DYRK1B: variants seen among roughly 807,000 people sequenced by gnomAD.
The protein encoded by DYRK1B is dual specificity tyrosine phosphorylation regulated kinase 1B, also known as dual specificity tyrosine-phosphorylation-regulated kinase 1B.
Under a neutral mutation model 57.1 loss-of-function variants are expected in DYRK1B, and 20 were observed. That is an observed-to-expected ratio of 0.35 (90% confidence interval 0.25 to 0.51). The LOEUF is 0.51. DYRK1B is among the 20% of genes least tolerant of loss of function. DYRK1B has a pLI of 0.96. For synonymous variants in DYRK1B, 409 were observed against 384.7 expected (o/e 1.06, Z -0.74); for missense variants, 732 against 886.3 (o/e 0.83, Z 2.21).
rs1599639748 is a variant in DYRK1B at position 39,827,509 on chromosome 19, C to T, written c.954+1G>A. 6.2e-7 allele frequency: 1 copy of T among 1,613,664 alleles called. No homozygotes were observed. The highest frequency in any genetic ancestry group is 1.3e-5 in the African/African-American group (1 of 74,922). ...CAGCACACCCCTTCCTGGGGGCACA[C>T]CTCATTGGAGCCACTGAAGAGGGGC... is the stretch of plus-strand genomic sequence containing the variant. On this transcript the variant is annotated splice_donor_variant, in intron 7 of 10. Coordinates refer to ENST00000323039, the MANE Select transcript of DYRK1B (RefSeq NM_004714.3). LOFTEE classifies it high-confidence loss of function.
chr19:39,827,191 G>GA, intron 8 of DYRK1B, 94 bp downstream of exon 8: 5 of 1,459,694 alleles, frequency 3.4e-6, no homozygotes. Flanking sequence ...GGAAGGAAGG[G>GA]AAAGACACAA....
rs753578998 is a variant in DYRK1B at position 39,825,822 on chromosome 19, G to A, written c.1783C>T (p.Arg595Trp). The A allele has an allele frequency of 8.2e-5, 132 of 1,608,434 alleles. No homozygotes were observed. The East Asian group carries it at 1.7e-3, about 21-fold the overall frequency. Residue 595 changes from arginine (R) to tryptophan (W), a missense_variant, in exon 11 of 11, where the codon CGG (arginine) becomes TGG (tryptophan). By Grantham distance (101) the Arg-to-Trp change is moderately radical (BLOSUM62 -3). Coordinates refer to ENST00000323039, the MANE Select transcript of DYRK1B (RefSeq NM_004714.3). ...QHPAASALRT[R>W]MTGGRPPLPP... ...AGGGGTGGACGACCTCCAGTCATCCGAGTCCGGAGGGCTGAGGCAGCCGGG... is the reference window on the plus strand; with the variant it reads ...AGGGGTGGACGACCTCCAGTCATCCAAGTCCGGAGGGCTGAGGCAGCCGGG...
At chr19:39,830,106 G>C in intron 4 of DYRK1B, 79 bp from the exon 5 acceptor site, 1 of 1,550,802 alleles carries the variant, frequency 6.4e-7, no homozygotes, top group Admixed American at 1.9e-5. Context: ...CTCCAGGCAA[G>C]GAGACCCACC....
intron 2 of DYRK1B, among the ~76,000 whole-genome samples, chr19:39,831,374 A>G (rs1281736536): frequency 6.6e-6 from 1 of 151,890 alleles, no homozygotes; most frequent in Non-Finnish European, 1.5e-5. Context: ...GACCCTTTAG[A>G]CTCAACCCCC....
intron 1 of DYRK1B, among the ~76,000 whole-genome samples, 183 bp downstream of exon 1, chr19:39,833,840 C>G (rs984559486): frequency 6.6e-6 from 1 of 152,164 alleles, no homozygotes; most frequent in Non-Finnish European, 1.5e-5. Context: ...ACTGCTTCCT[C>G]GGGCTTGGCC....
rs760941522 is a variant in DYRK1B at position 39,825,781 on chromosome 19, G to A, written c.1824C>T (p.Asp608=). The part of the protein sequence containing the change: ...GGRPPLPPPD[D]PATLGPHLGL... ...CCAGGTGAGGCCCCAGAGTGGCAGG[G>A]TCATCAGGAGGCGGGAGGGGTGGAC... The change falls in exon 11 of 11, where the codon GAC becomes GAT. Residue 608 remains aspartate, a synonymous_variant. Transcript: ENST00000323039. 24 of 1,572,012 alleles carry A rather than the reference G, an allele frequency of 1.5e-5. No homozygotes were observed. Among genetic ancestry groups the A allele is most frequent in the Non-Finnish European group, 2.1e-5 (24 of 1,159,892 alleles).
chr19:39,832,118 G>A (rs1599647793), intron 1 of DYRK1B, 150 bp from the exon 2 acceptor site: 1 of 783,928 alleles, frequency 1.3e-6, no homozygotes, highest in African/African-American at 2.0e-5. Flanking sequence ...AAGAGAAGGG[G>A]CAGAGAAGTG....
chr19:39,830,694 G>A lies in DYRK1B; in HGVS notation c.153C>T (p.Asp51=). ...TGATGTGCTTGTAGGTCTTGATGAG[G>A]TCCACAGAGAGCTTACGCAGCGGGG... ...TSAPLRKLSV[D]LIKTYKHINE... The change falls in exon 3 of 11, where the codon GAC becomes GAT. Residue 51 remains aspartate (D), a synonymous_variant. Coordinates refer to ENST00000323039, the MANE Select transcript of DYRK1B (RefSeq NM_004714.3). The A allele has an allele frequency of 6.2e-7, 1 of 1,614,126 alleles. No homozygotes were observed.
Position 39,825,611 on chromosome 19 carries a change from G to A in DYRK1B, c.*104C>T. Reference sequence around the variant, plus strand: ...AGTGCAGGCCTCACCCACCCCAGCTGGGTAGCAGCAATTCCAGTCAAGGAG... The same window carrying A: ...AGTGCAGGCCTCACCCACCCCAGCTAGGTAGCAGCAATTCCAGTCAAGGAG... On this transcript the variant is annotated 3_prime_UTR_variant, in exon 11 of 11. Transcript: ENST00000323039. 2 of 1,287,602 alleles carry A rather than the reference G, an allele frequency of 1.6e-6. No homozygotes were observed. The highest frequency in any genetic ancestry group is 2.1e-6 in the Non-Finnish European group (2 of 932,180). 79.8% of individuals were successfully genotyped at this position (1,287,602 alleles called of 1,614,324 possible).
Position 39,827,006 on chromosome 19 carries a change from G to T in DYRK1B, c.1096-19C>A. The T allele has an allele frequency of 6.5e-6, 9 of 1,383,304 alleles. No homozygotes were observed. Among genetic ancestry groups the T allele is most frequent in the Non-Finnish European group, 7.6e-6 (8 of 1,057,434 alleles). The allele number at this position is 1,383,304 out of a possible 1,614,324, so 85.7% of individuals were successfully genotyped here. A position where few individuals can be genotyped will look rare whatever the true frequency, so the allele number is the denominator to read the frequency against. On this transcript the variant is annotated intron_variant, in intron 8 of 10. Transcript: ENST00000323039. ...GGTAATCCTGGCAGGGAGGGGGTGG[G>T]AGGGGGGGCAAGAGAGTGGCCGTCA...
chr19:39,826,928 C>A lies in DYRK1B; in HGVS notation c.1155G>T (p.Gly385=), dbSNP rs552330624. 2 of 1,431,304 alleles carry A rather than the reference C, an allele frequency of 1.4e-6. No individual in the cohort carries two copies. The highest frequency in any genetic ancestry group is 2.9e-5 in the South Asian group (2 of 68,456). 88.7% of individuals were successfully genotyped at this position (1,431,304 alleles called of 1,614,324 possible). Residue 385 remains glycine (G), a synonymous_variant, in exon 9 of 11, where the codon GGG becomes GGT. Transcript: ENST00000323039. This position sits in a 1 kb window ranked among gnomAD's most constrained non-coding sequence, Gnocchi z 6.3. ...LQEVLGVQTG[G]PGGRRAGEPG... is the part of the protein sequence containing the mutation. ...GCTCCCCCGCCCGCCGGCCCCCGGG[C>A]CCGCCCGTCTGCACGCCCAGCACCT...
intron 8 of DYRK1B, 90 bp from the exon 9 acceptor site, chr19:39,827,077 A>G: frequency 8.0e-7 from 1 of 1,242,490 alleles, no homozygotes; most frequent in Non-Finnish European, 1.1e-6. Context: ...ACAGAGGCAC[A>G]AGAGAGAAAG....
At chr19:39,829,186 G>A (rs1424469229) in intron 5 of DYRK1B, among the ~76,000 whole-genome samples, 1 of 149,808 alleles carries the variant, frequency 6.7e-6, no homozygotes, top group South Asian at 2.1e-4. Flanking sequence ...TGTTGTTGTT[G>A]TAACTGTTGT....
At chr19:39,833,797 G>T (rs1029765119) in intron 1 of DYRK1B, among the ~76,000 whole-genome samples, 2 of 152,166 alleles carry the variant, frequency 1.3e-5, no homozygotes, top group African/African-American at 4.8e-5. Flanking sequence ...CGGGAGTGGG[G>T]CCCGGCTACC....
rs1968667931 is a variant in DYRK1B at position 39,828,819 on chromosome 19, A to G, written c.521-236T>C. On this transcript the variant is annotated intron_variant, in intron 5 of 10. Transcript: ENST00000323039. This position sits in a 1 kb window ranked among gnomAD's most constrained non-coding sequence, Gnocchi z 4.3. ...CAAAGAGAAAGTTTCATTAGTTACT[A>G]CTAGCTCTAACACATTCTACACTTC... Among the ~76,000 whole-genome samples the G allele has an allele frequency of 6.6e-6, 1 of 152,236 alleles. No individual in the cohort carries two copies. Among genetic ancestry groups the G allele is most frequent in the Non-Finnish European group, 1.5e-5 (1 of 68,024 alleles).
Position 39,833,252 on chromosome 19 carries a change from G to GC in DYRK1B, c.-102+770dup, listed in dbSNP as rs1968908116. On this transcript the variant is annotated intron_variant, in intron 1 of 10. Transcript: ENST00000323039. ...TCCCACACCAGGATCATCTCTCCCA[G>GC]CCCCCACCCCCTACCCGGGTCAGGG... 6 of 985,380 alleles carry GC rather than the reference G, an allele frequency of 6.1e-6. No homozygotes were observed. In the Middle Eastern group the frequency reaches 2.1e-3, roughly 339 times the overall value. 61.0% of individuals were successfully genotyped at this position (985,380 alleles called of 1,614,324 possible).
At chr19:39,829,839 C>G in intron 5 of DYRK1B, 41 bp downstream of exon 5, 1 of 1,604,430 alleles carries the variant, frequency 6.2e-7, no homozygotes, top group Non-Finnish European at 8.5e-7. Context: ...CCAGCTCCCG[C>G]TATCCCAGGT....
Position 39,826,638 on chromosome 19 carries a change from C to T in DYRK1B, c.1411+34G>A. On this transcript the variant is annotated intron_variant, in intron 9 of 10. Coordinates refer to ENST00000323039, the MANE Select transcript of DYRK1B (RefSeq NM_004714.3). This position sits in a 1 kb window ranked among gnomAD's most constrained non-coding sequence, Gnocchi z 6.3. ...CAGGCCAAACCTGAGCAGCCCCCAC[C>T]CGTTGTACCCCATTTGGGCACCTGG... The T allele has an allele frequency of 6.5e-7, 1 of 1,544,738 alleles. No homozygotes were observed. Among genetic ancestry groups the T allele is most frequent in the African/African-American group, 1.4e-5 (1 of 72,396 alleles).
At chr19:39,830,200 A>T in intron 4 of DYRK1B, 173 bp from the exon 5 acceptor site, 1 of 1,126,912 alleles carries the variant, frequency 8.9e-7, no homozygotes, top group African/African-American at 1.6e-5. Flanking sequence ...TAACATAACG[A>T]CCTTATGTTG....
Sources: allele counts gnomAD v4.1 joint callset (sites outside exome capture counted in the v4.1 genomes callset), GRCh38; gene constraint gnomAD v4.1.1; non-coding constraint Gnocchi (gnomAD v3.1); transcripts MANE v1.5; gene names NCBI Gene and HGNC (gene_info 2026-07-23, HGNC 2026-07-21).